TBC1D13: variants seen among roughly 807,000 people sequenced by gnomAD.
TBC1D13 encodes TBC1 domain family member 13.
A neutral mutation model predicts 53.6 loss-of-function variants in TBC1D13; 40 were observed. The observed-to-expected ratio is 0.75, with a 90% CI of 0.58 to 0.97. The LOEUF is 0.97. Among genes scored for constraint, TBC1D13 ranks in the 50% least tolerant of loss-of-function variants. The pLI is 0.00. For missense variants in TBC1D13, 377 were observed against 499.4 expected, an observed-to-expected ratio of 0.75 and a Z score of 2.34; for synonymous variants, 182 against 197.7, an observed-to-expected ratio of 0.92 and a Z score of 0.67.
At chr9:128,788,290 C>A in intron 1 of TBC1D13, 44 bp from the exon 2 acceptor site, 1 of 1,576,406 alleles carries the variant, frequency 6.3e-7, no homozygotes, top group Non-Finnish European at 8.7e-7. Context: ...TCTCACTGAG[C>A]CGATATCAGC....
At chr9:128,792,703 C>A (rs1351607394) in intron 6 of TBC1D13, 129 bp downstream of exon 6, 2 of 816,982 alleles carry the variant, frequency 2.4e-6, no homozygotes, top group Non-Finnish European at 3.9e-6. Context: ...ATTGTCCCAG[C>A]GGTTGGGTCC....
intron 7 of TBC1D13, 109 bp from the exon 8 acceptor site, chr9:128,803,141 C>A: frequency 1.1e-6 from 1 of 945,358 alleles, no homozygotes; most frequent in Non-Finnish European, 1.7e-6. Flanking sequence ...GCAGCCTCGA[C>A]CACTGGGGCT....
chr9:128,800,734 A>G (rs1411002528), intron 7 of TBC1D13, among the ~76,000 whole-genome samples: 1 of 152,168 alleles, frequency 6.6e-6, no homozygotes, highest in Non-Finnish European at 1.5e-5. Context: ...CTATCTGTAT[A>G]CTTTCCATCT....
intron 9 of TBC1D13, 54 bp downstream of exon 9, chr9:128,804,173 G>T: frequency 6.3e-7 from 1 of 1,589,582 alleles, no homozygotes. Flanking sequence ...GAGAGTTGCT[G>T]TGCCATCCCA....
intron 11 of TBC1D13, 80 bp downstream of exon 11, chr9:128,806,391 A>G (rs1589577655): frequency 6.5e-7 from 1 of 1,545,648 alleles, no homozygotes; most frequent in Non-Finnish European, 8.9e-7. Context: ...AGCTGCTGCG[A>G]CAGGCTGGGC....
chr9:128,796,915 G>A (rs1400674656), intron 6 of TBC1D13, 140 bp from the exon 7 acceptor site: 32 of 868,176 alleles, frequency 3.7e-5, no homozygotes, highest in South Asian at 3.1e-4. Context: ...CAGCCTGGGC[G>A]ACAGTGCAAG....
At chr9:128,796,406 C>T (rs1336890352) in intron 6 of TBC1D13, among the ~76,000 whole-genome samples, 1 of 152,138 alleles carries the variant, frequency 6.6e-6, no homozygotes, top group Non-Finnish European at 1.5e-5. Flanking sequence ...TGCACCACCA[C>T]GCCCGGGTAA....
At chr9:128,806,223 G>T in intron 10 of TBC1D13, 31 bp from the exon 11 acceptor site, 1 of 1,614,056 alleles carries the variant, frequency 6.2e-7, no homozygotes, top group Non-Finnish European at 8.5e-7. Flanking sequence ...AGCATCCCAG[G>T]TCCCAGCGCT....
At chr9:128,788,934 G>C (rs1179100653) in intron 2 of TBC1D13, among the ~76,000 whole-genome samples, 1 of 152,176 alleles carries the variant, frequency 6.6e-6, no homozygotes, top group Non-Finnish European at 1.5e-5. Flanking sequence ...GCCCCAATGA[G>C]CACAAAGATA....
intron 6 of TBC1D13, among the ~76,000 whole-genome samples, chr9:128,794,381 C>T (rs1015766777): frequency 6.6e-6 from 1 of 152,230 alleles, no homozygotes; most frequent in Admixed American, 6.5e-5. Flanking sequence ...AGTGTTTACC[C>T]ACGAGGTGTT....
intron 7 of TBC1D13, among the ~76,000 whole-genome samples, chr9:128,799,338 G>C (rs11794069): frequency 0.017 from 2,640 of 152,326 alleles, 56 homozygotes; most frequent in East Asian, 0.084. Flanking sequence ...TGATTGGGCA[G>C]TTTGAGTTAA....
chr9:128,795,221 A>ATT (rs749057362), intron 6 of TBC1D13, among the ~76,000 whole-genome samples: 6 of 135,646 alleles, frequency 4.4e-5, no homozygotes, highest in African/African-American at 1.1e-4. Flanking sequence ...CACCCAGCTA[A>ATT]TTTTTTTTTT....
chr9:128,788,556 T>G (rs1829472347), intron 2 of TBC1D13, 149 bp downstream of exon 2: 1 of 680,924 alleles, frequency 1.5e-6, no homozygotes, highest in Non-Finnish European at 2.5e-6. Context: ...TGGGGCCTTT[T>G]CCAGATTCTG....
Position 128,787,333 on chromosome 9 carries a change from G to A in TBC1D13, c.-21G>A. The A allele has an allele frequency of 7.9e-7, 1 of 1,258,932 alleles. No homozygotes were observed. The highest frequency in any genetic ancestry group is 1.0e-6 in the Non-Finnish European group (1 of 996,020). The allele number at this position is 1,258,932 out of a possible 1,614,324, so 78.0% of individuals were successfully genotyped here. ...GAGGCGCAGGCGGCGGAGGCGGCTG[G>A]GGGGTCCGGAAGTCAACACCATGTC... On this transcript the variant is annotated 5_prime_UTR_variant, in exon 1 of 12. Coordinates refer to ENST00000372648, the MANE Select transcript of TBC1D13 (RefSeq NM_018201.5).
intron 9 of TBC1D13, among the ~76,000 whole-genome samples, chr9:128,804,720 G>GTTTTTTTTTTTTTTTTTTTTT (rs1170366996): frequency 1.8e-5 from 1 of 56,394 alleles, no homozygotes; most frequent in Non-Finnish European, 3.0e-5. Context: ...TTTTTTTTCT[G>GTTTTTTTTTTTTTTTTTTTTT]TTTTTTTTTT....
At chr9:128,801,753 G>T (rs13291212) in intron 7 of TBC1D13, among the ~76,000 whole-genome samples, 4 of 121,172 alleles carry the variant, frequency 3.3e-5, no homozygotes, top group Admixed American at 1.5e-4. Context: ...AGATTTTTTT[G>T]TTTTTTGTTT....
rs371923189 is a variant in TBC1D13 at position 128,791,600 on chromosome 9, G to A, written c.207G>A (p.Leu69=). 4.4e-5 allele frequency: 71 copies of A among 1,614,070 alleles called. No homozygotes were observed. In the African/African-American group the frequency reaches 6.8e-4, roughly 15 times the overall value. ...TCTCACTTGTCTCCTGCAGGGAGCT[G>A]TATGCCCAGTTCCTGAGGGAAATGA... ...WTSILAKQRE[L]YAQFLREMII... The change falls in exon 5 of 12, where the codon CTG becomes CTA. Residue 69 remains leucine (L), a synonymous_variant. Coordinates refer to ENST00000372648, the MANE Select transcript of TBC1D13 (RefSeq NM_018201.5).
intron 7 of TBC1D13, among the ~76,000 whole-genome samples, chr9:128,801,767 G>T (rs13291220): frequency 4.3e-5 from 6 of 140,708 alleles, no homozygotes; most frequent in East Asian, 4.2e-4. Flanking sequence ...TTTGTTTTTT[G>T]TTTTTTTTTT....
Position 128,803,950 on chromosome 9 carries a change from T to C in TBC1D13, c.755-6T>C, listed in dbSNP as rs1371787180. The C allele has an allele frequency of 1.2e-6, 2 of 1,612,402 alleles. No individual in the cohort carries two copies. The highest frequency in any genetic ancestry group is 1.7e-6 in the Non-Finnish European group (2 of 1,179,882). ...CCACTTCTGCCCCCATCCTGCTCTC[T>C]CCCAGAGCACGCCGAGGCAGACACC... On this transcript the variant is annotated splice_polypyrimidine_tract_variant and splice_region_variant and intron_variant, in intron 8 of 11. Transcript: ENST00000372648.
Sources: allele counts gnomAD v4.1 joint callset (sites outside exome capture counted in the v4.1 genomes callset), GRCh38; gene constraint gnomAD v4.1.1; transcripts MANE v1.5; gene names NCBI Gene and HGNC (gene_info 2026-07-23, HGNC 2026-07-21).